Variants in SERPINB5 observed in about 807,000 individuals in gnomAD.
SERPINB5 encodes serpin family B member 5.
In SERPINB5, 27 loss-of-function variants were observed where a neutral mutation model predicts 32.2. The ratio of observed to expected loss-of-function variants is 0.84; its 90% CI spans 0.62 to 1.16. SERPINB5 has a LOEUF of 1.16. Among genes scored for constraint, SERPINB5 ranks in the 50% most tolerant of loss-of-function variants. The probability of loss-of-function intolerance (pLI) is 0.00; values close to 1 mark genes in which losing one functional copy is unlikely to be tolerated. For synonymous variants in SERPINB5, 154 were observed against 157.4 expected (o/e 0.98, Z 0.16); for missense variants, 388 against 436.3 (o/e 0.89, Z 0.99).
At position 63,503,647 on chromosome 18, in the gene SERPINB5, C is replaced by T; in HGVS notation, c.1053C>T (p.Asp351=). 1 of 1,614,124 alleles carries T rather than the reference C, an allele frequency of 6.2e-7. No homozygotes were observed. The highest frequency in any genetic ancestry group is 1.6e-4 in the Middle Eastern group (1 of 6,062). Residue 351 remains aspartate (D), a synonymous_variant, in exon 7 of 7, where the codon GAC becomes GAT. Coordinates refer to ENST00000382771, the MANE Select transcript of SERPINB5 (RefSeq NM_002639.5). ...AGCACAAGGATGAATTGAATGCTGA[C>T]CATCCCTTTATTTACATCATCAGGC... ...ILQHKDELNA[D]HPFIYIIRHN...
At chr18:63,478,758 G>GTTTTTTTTTTTTTTT (rs10669993) in intron 1 of SERPINB5, among the ~76,000 whole-genome samples, 2 of 135,380 alleles carry the variant, frequency 1.5e-5, no homozygotes, top group African/African-American at 2.8e-5. Context: ...TAAAAACGTA[G>GTTTTTTTTTTTTTTT]TTTTTTTTTT....
chr18:63,490,960 TTCTA>T (rs1252030598), intron 4 of SERPINB5, among the ~76,000 whole-genome samples: 5 of 152,316 alleles, frequency 3.3e-5, no homozygotes, highest in South Asian at 4.1e-4. Context: ...ATGTGTAGTC[TTCTA>T]TCTCTCACCT....
At chr18:63,501,994 T>C (rs1223797791) in intron 6 of SERPINB5, among the ~76,000 whole-genome samples, 1 of 152,162 alleles carries the variant, frequency 6.6e-6, no homozygotes, top group African/African-American at 2.4e-5. Flanking sequence ...TTCTGTAGGT[T>C]GCCTGTTCAC....
chr18:63,498,518 A>G lies in SERPINB5; in HGVS notation c.568-602A>G, dbSNP rs1909497421. ...CTGTAAAGAATAACAAACGTTGCCT[A>G]TATTTACAGCCATACAGTCTTATTT... is the stretch of plus-strand genomic sequence containing the variant. On this transcript the variant is annotated intron_variant, in intron 5 of 6. Coordinates refer to ENST00000382771, the MANE Select transcript of SERPINB5 (RefSeq NM_002639.5). The surrounding 1 kb of genome is among the most constrained non-coding windows in gnomAD (Gnocchi z 4.2). Among the ~76,000 whole-genome samples, 1 of 152,228 alleles carries G rather than the reference A, an allele frequency of 6.6e-6. No individual in the cohort carries two copies. The highest frequency in any genetic ancestry group is 6.5e-5 in the Admixed American group (1 of 15,286).
chr18:63,484,562 G>T lies in SERPINB5; in HGVS notation c.134G>T (p.Gly45Val), dbSNP rs1391892617. 6.2e-7 allele frequency: 1 copy of T among 1,613,670 alleles called. No individual in the cohort carries two copies. Among genetic ancestry groups the T allele is most frequent in the Non-Finnish European group, 8.5e-7 (1 of 1,179,892 alleles). Residue 45 changes from glycine to valine, a missense_variant, in exon 2 of 7, where the codon GGT (glycine) becomes GTT (valine). Transcript: ENST00000382771. The stretch of plus-strand genomic sequence containing the variant: ...ACCTCTCTGTCACTTGCTCAAGTGG[G>T]TGCTAAAGGTGACACTGCAAATGAA... The part of the protein sequence containing the change: ...LSTSLSLAQV[G>V]AKGDTANEIG...
intron 1 of SERPINB5, 24 bp from the exon 2 acceptor site, chr18:63,484,398 C>G (rs755564880): frequency 4.4e-6 from 7 of 1,592,284 alleles, no homozygotes; most frequent in Non-Finnish European, 6.0e-6. Context: ...TAGAAACTAA[C>G]TGCTCCCTTG....
chr18:63,496,180 C>T (rs766460507), intron 5 of SERPINB5, among the ~76,000 whole-genome samples: 14 of 152,048 alleles, frequency 9.2e-5, no homozygotes, highest in Non-Finnish European at 1.6e-4. Context: ...TAGTCAGTGC[C>T]GATAAGTGAA....
chr18:63,502,701 A>G (rs1271906764), intron 6 of SERPINB5, among the ~76,000 whole-genome samples: 2 of 152,176 alleles, frequency 1.3e-5, no homozygotes, highest in East Asian at 1.9e-4. Flanking sequence ...ATCATGATCC[A>G]GGCATTTGTT....
intron 5 of SERPINB5, chr18:63,497,316 C>T (rs186648868): frequency 1.1e-3 from 1,374 of 1,274,358 alleles, no homozygotes; most frequent in Non-Finnish European, 1.4e-3. Context: ...AGCTCTTCTC[C>T]TATGCGATTC....
chr18:63,502,637 A>G (rs1909593193), intron 6 of SERPINB5, among the ~76,000 whole-genome samples: 1 of 152,204 alleles, frequency 6.6e-6, no homozygotes, highest in Non-Finnish European at 1.5e-5. Flanking sequence ...CATTCAAGAA[A>G]TATGTGTAAA....
intron 2 of SERPINB5, chr18:63,485,866 T>A (rs1336873377): frequency 6.5e-6 from 1 of 153,004 alleles, no homozygotes; most frequent in African/African-American, 2.4e-5. Context: ...TGTGCCGGTT[T>A]GGCAGCGTTC....
intron 1 of SERPINB5, among the ~76,000 whole-genome samples, chr18:63,478,090 G>A (rs6567352): frequency 0.7 from 106,642 of 152,128 alleles, 37,943 homozygotes; most frequent in African/African-American, 0.82. Flanking sequence ...TGTTCGATGA[G>A]TTCCTTCATG....
At chr18:63,494,117 T>A (rs1909399225) in intron 5 of SERPINB5, among the ~76,000 whole-genome samples, 2 of 150,594 alleles carry the variant, frequency 1.3e-5, no homozygotes, top group African/African-American at 4.9e-5. Context: ...AGGTCAGGAG[T>A]TTGAGACCAG....
At chr18:63,501,420 C>T (rs900449468) in intron 6 of SERPINB5, among the ~76,000 whole-genome samples, 3 of 152,056 alleles carry the variant, frequency 2.0e-5, no homozygotes, top group Non-Finnish European at 4.4e-5. Flanking sequence ...ATATGGGCCA[C>T]GTTTTCTTAA....
chr18:63,479,026 C>A (rs1298425215), intron 1 of SERPINB5, among the ~76,000 whole-genome samples: 1 of 152,142 alleles, frequency 6.6e-6, no homozygotes, highest in African/African-American at 2.4e-5. Context: ...TCCCAAAGTG[C>A]TGGGATTACA....
intron 3 of SERPINB5, among the ~76,000 whole-genome samples, chr18:63,487,550 G>GAAA (rs1456712176): frequency 6.6e-6 from 1 of 152,124 alleles, no homozygotes; most frequent in Non-Finnish European, 1.5e-5. Context: ...AAATCAGTAA[G>GAAA]AAAAATAATA....
Position 63,489,359 on chromosome 18 carries a change from T to G in SERPINB5, c.319T>G (p.Ser107Ala), listed in dbSNP as rs758322385. The G allele has an allele frequency of 9.4e-6, 15 of 1,602,844 alleles. No homozygotes were observed. The highest frequency in any genetic ancestry group is 1.3e-5 in the Non-Finnish European group (15 of 1,171,838). The change falls in exon 4 of 7, where the codon TCT (serine) becomes GCT (alanine). Residue 107 changes from serine (S) to alanine (A), a missense_variant. By Grantham distance (99) the Ser-to-Ala change is moderately conservative. Coordinates refer to ENST00000382771, the MANE Select transcript of SERPINB5 (RefSeq NM_002639.5). ...SLNLSTEFIS[S>A]TKRPYAKELE... ...GCATGTTTTTCAGGAGTTCATCAGC[T>G]CTACGAAGAGACCGTATGCAAAGGA...
intron 4 of SERPINB5, among the ~76,000 whole-genome samples, chr18:63,491,069 C>T (rs895189221): frequency 1.5e-4 from 23 of 152,114 alleles, no homozygotes; most frequent in African/African-American, 5.6e-4. Flanking sequence ...TGAGAACATA[C>T]AATGTTTGGT....
chr18:63,503,443 T>C lies in SERPINB5; in HGVS notation c.849T>C (p.Asp283=), dbSNP rs1311902041. 1 of 1,614,148 alleles carries C rather than the reference T, an allele frequency of 6.2e-7. No individual in the cohort carries two copies. The highest frequency in any genetic ancestry group is 1.3e-5 in the African/African-American group (1 of 74,944). The part of the protein sequence containing the change: ...IPKFKVEKMI[D]PKACLENLGL... The stretch of plus-strand genomic sequence containing the variant: ...AATTTAAGGTGGAAAAGATGATTGA[T>C]CCCAAGGCTTGTCTGGAAAATCTAG... The change falls in exon 7 of 7, where the codon GAT becomes GAC. Residue 283 remains aspartate, a synonymous_variant. Transcript: ENST00000382771.
Sources: allele counts gnomAD v4.1 joint callset (sites outside exome capture counted in the v4.1 genomes callset), GRCh38; gene constraint gnomAD v4.1.1; non-coding constraint Gnocchi (gnomAD v3.1); transcripts MANE v1.5; gene names NCBI Gene and HGNC (gene_info 2026-07-23, HGNC 2026-07-21).